The following CCDC7 variants were observed in gnomAD, a reference collection of about 807,000 sequenced individuals.
CCDC7 encodes the protein coiled-coil domain-containing protein 7.
CCDC7 carries 183 observed loss-of-function variants against 196.9 expected under a neutral mutation model. The ratio of observed to expected loss-of-function variants is 0.93; its 90% CI spans 0.82 to 1.05. CCDC7 has a LOEUF of 1.05. CCDC7 is among the 50% of genes least tolerant of loss of function. CCDC7 has a pLI of 0.00. For synonymous variants in CCDC7, 525 were observed against 484.6 expected (o/e 1.08, Z -1.10); for missense variants, 1,540 against 1,482.2 (o/e 1.04, Z -0.64).
intron 11 of CCDC7, among the ~76,000 whole-genome samples, chr10:32,540,623 G>A (rs2051250080): frequency 6.6e-6 from 1 of 152,136 alleles, no homozygotes; most frequent in East Asian, 1.9e-4. Flanking sequence ...ATGACATTCA[G>A]TTTGGCTGGA....
chr10:32,546,335 A>G (rs538696828), intron 13 of CCDC7, among the ~76,000 whole-genome samples: 7 of 152,340 alleles, frequency 4.6e-5, no homozygotes, highest in Admixed American at 1.3e-4. Flanking sequence ...CCTATAAACA[A>G]CATGTGATTG....
chr10:32,685,930 T>G, intron 21 of CCDC7, 40 bp from the exon 23 acceptor site: 1 of 1,189,314 alleles, frequency 8.4e-7, no homozygotes, highest in South Asian at 1.5e-5. Flanking sequence ...AAAAGATCCA[T>G]TTTTCTATTT....
At chr10:32,721,085 C>T (rs748512447) in intron 25 of CCDC7, among the ~76,000 whole-genome samples, 1 of 151,884 alleles carries the variant, frequency 6.6e-6, no homozygotes, top group Non-Finnish European at 1.5e-5. Context: ...AAAGTGAAAC[C>T]CTGTCTCCAA....
intron 24 of CCDC7, among the ~76,000 whole-genome samples, chr10:32,710,955 CAA>C (rs1380569395): frequency 6.6e-6 from 1 of 152,080 alleles, no homozygotes; most frequent in Non-Finnish European, 1.5e-5. Flanking sequence ...CATTTTCCCA[CAA>C]AAAGACATTG....
intron 3 of CCDC7, among the ~76,000 whole-genome samples, chr10:32,461,166 C>T (rs74317904): frequency 0.015 from 2,274 of 152,058 alleles, 46 homozygotes; most frequent in African/African-American, 0.052. Context: ...TATGGATGCT[C>T]CTCAACTTAT....
At chr10:32,443,808 AT>A (rs1389468412), upstream of CCDC7, among the ~76,000 whole-genome samples, 1 of 152,116 alleles carries the variant, frequency 6.6e-6, no homozygotes, top group East Asian at 1.9e-4. Flanking sequence ...TTGCAAAATT[AT>A]TTTCCCAATT....
At chr10:32,575,089 T>G (rs1396673448) in intron 16 of CCDC7, among the ~76,000 whole-genome samples, 1 of 152,180 alleles carries the variant, frequency 6.6e-6, no homozygotes, top group East Asian at 1.9e-4. Context: ...AAGATAATTT[T>G]AGAGACTAAT....
chr10:32,733,857 T>A lies in CCDC7; in HGVS notation c.2905+4400T>A, dbSNP rs1269909405. ...ATCTCTGAAAATGCATTTTGTTTTA[T>A]ACAAATCAAAACCATAGTGAGATAC... On this transcript the variant is annotated intron_variant, in intron 28 of 41. Transcript: ENST00000639629. 4.6e-5 allele frequency among the ~76,000 whole-genome samples: 7 copies of A among 152,304 alleles called. No homozygotes were observed. In the Middle Eastern group the frequency reaches 0.014, roughly 296 times the overall value.
At chr10:32,629,363 A>C (rs2064505389) in intron 18 of CCDC7, among the ~76,000 whole-genome samples, 1 of 151,910 alleles carries the variant, frequency 6.6e-6, no homozygotes, top group Non-Finnish European at 1.5e-5. Flanking sequence ...AATATTGGCA[A>C]GTTTAAAAGT....
At chr10:32,695,021 A>G in intron 24 of CCDC7, 29 bp downstream of exon 25, 3 of 1,254,304 alleles carry the variant, frequency 2.4e-6, no homozygotes, top group South Asian at 1.6e-5. Flanking sequence ...GATAACTTAA[A>G]AATTTTAAAG....
chr10:32,804,334 G>T (rs1041168386), intron 29 of CCDC7, among the ~76,000 whole-genome samples: 3 of 152,098 alleles, frequency 2.0e-5, no homozygotes, highest in African/African-American at 7.2e-5. Flanking sequence ...CAATGGAAAA[G>T]TACCCAATTT....
chr10:32,743,909 A>G (rs1202529029), intron 28 of CCDC7, among the ~76,000 whole-genome samples: 3 of 145,446 alleles, frequency 2.1e-5, no homozygotes, highest in East Asian at 2.1e-4. Flanking sequence ...AACACCGCAT[A>G]TTCTCACTCA....
chr10:32,819,555 CA>C (rs1197980014), intron 31 of CCDC7, among the ~76,000 whole-genome samples: 1 of 152,090 alleles, frequency 6.6e-6, no homozygotes, highest in Admixed American at 6.5e-5. Flanking sequence ...AACATCGATG[CA>C]AAAATCCTCA....
At chr10:32,584,484 G>T (rs537158192) in intron 18 of CCDC7, among the ~76,000 whole-genome samples, 180 bp downstream of exon 19, 1 of 129,714 alleles carries the variant, frequency 7.7e-6, no homozygotes, top group African/African-American at 2.9e-5. Flanking sequence ...TGGGCCAGGC[G>T]TGGTGGCTCA....
intron 24 of CCDC7, among the ~76,000 whole-genome samples, chr10:32,708,026 T>C (rs1179895082): frequency 2.7e-5 from 4 of 150,394 alleles, no homozygotes; most frequent in African/African-American, 4.9e-5. Context: ...CAATCCTAAG[T>C]CAAAAGAACA....
intron 2 of CCDC7, among the ~76,000 whole-genome samples, chr10:32,453,714 T>TA (rs1196323182): frequency 1.3e-5 from 2 of 152,096 alleles, no homozygotes; most frequent in African/African-American, 4.8e-5. Flanking sequence ...TTAGTAAAGA[T>TA]ATGGGGCCAC....
chr10:32,646,923 T>C (rs1307911534), intron 20 of CCDC7, among the ~76,000 whole-genome samples: 2 of 152,220 alleles, frequency 1.3e-5, no homozygotes, highest in Admixed American at 1.3e-4. Flanking sequence ...TCATTCTTTC[T>C]AATGGGTACA....
chr10:32,724,436 A>C, intron 25 of CCDC7, among the ~76,000 whole-genome samples: 1 of 152,150 alleles, frequency 6.6e-6, no homozygotes, highest in East Asian at 1.9e-4. Context: ...GGAATAATTA[A>C]GCCTTTTTTC....
intron 9 of CCDC7, chr10:32,511,261 C>CG (rs371884255): frequency 0.33 from 123,961 of 371,048 alleles, 26,112 homozygotes; most frequent in East Asian, 0.49. Flanking sequence ...CTGTGGGGGG[C>CG]GGGGGGGGCG....
Sources: allele counts gnomAD v4.1 joint callset (sites outside exome capture counted in the v4.1 genomes callset), GRCh38; gene constraint gnomAD v4.1.1; transcripts MANE v1.5; gene names NCBI Gene and HGNC (gene_info 2026-07-23, HGNC 2026-07-21).